The following ZDHHC21 variants were observed in gnomAD, a reference collection of about 807,000 sequenced individuals.
ZDHHC21 encodes the protein palmitoyltransferase ZDHHC21.
In ZDHHC21, 15 loss-of-function variants were observed where a neutral mutation model predicts 34.6. That is an observed-to-expected ratio of 0.43 (90% confidence interval 0.29 to 0.67). The LOEUF is 0.67. Among genes scored for constraint, ZDHHC21 ranks in the 30% least tolerant of loss-of-function variants. The probability of loss-of-function intolerance (pLI) is 0.14; values close to 1 mark genes in which losing one functional copy is unlikely to be tolerated. For missense variants in ZDHHC21, 344 were observed against 327.7 expected (o/e 1.05, Z -0.38); for synonymous variants, 142 against 101.8 (o/e 1.40, Z -2.38).
At chr9:14,660,323 A>G (rs1171543158) in intron 6 of ZDHHC21, among the ~76,000 whole-genome samples, 1 of 140,830 alleles carries the variant, frequency 7.1e-6, no homozygotes, top group East Asian at 2.2e-4. Flanking sequence ...GCAGAGGTTG[A>G]GATCATGCCA....
At chr9:14,646,801 T>A (rs1030227637) in intron 7 of ZDHHC21, among the ~76,000 whole-genome samples, 5 of 152,176 alleles carry the variant, frequency 3.3e-5, no homozygotes, top group African/African-American at 1.2e-4. Context: ...TTCCTTGCTG[T>A]ATTTTATTTT....
At chr9:14,619,483 T>G (rs1218266940) in intron 9 of ZDHHC21, among the ~76,000 whole-genome samples, 156 bp downstream of exon 9, 1 of 152,116 alleles carries the variant, frequency 6.6e-6, no homozygotes, top group Non-Finnish European at 1.5e-5. Context: ...AAACCCCTAC[T>G]GTAAGACTGG....
chr9:14,596,987 G>A, the ZDHHC21 span, among the ~76,000 whole-genome samples: 80 of 152,176 alleles, frequency 5.3e-4, 1 homozygote, highest in African/African-American at 1.6e-3. Context: ...TTCCAGTGCC[G>A]GGAAAAGGTA....
In ZDHHC21 at chr9:14,615,762, A is replaced by C. The variant is rs1334227449; in HGVS notation, c.*3204T>G. On this transcript the variant is annotated 3_prime_UTR_variant, in exon 10 of 10. Transcript: ENST00000380916. ...TATGATTGTTAAGGAGGTGTAACTT[A>C]CAGTATCTAGGTAAAAACCTTTCAT... is the stretch of plus-strand genomic sequence containing the variant. The C allele has an allele frequency of 1.3e-5, 2 of 151,694 alleles. No homozygotes were observed. The highest frequency in any genetic ancestry group is 2.4e-5 in the African/African-American group (1 of 41,392). The allele number at this position is 151,694 out of a possible 1,614,324, so 9.4% of individuals were successfully genotyped here. A position where few individuals can be genotyped will look rare whatever the true frequency, so the allele number is the denominator to read the frequency against.
chr9:14,681,579 G>A (rs975458440), intron 2 of ZDHHC21, among the ~76,000 whole-genome samples: 3 of 152,064 alleles, frequency 2.0e-5, no homozygotes, highest in African/African-American at 7.2e-5. Flanking sequence ...ATTTTAGGAG[G>A]AAAAGACACA....
At chr9:14,634,332 T>C (rs1427656055) in intron 8 of ZDHHC21, among the ~76,000 whole-genome samples, 1 of 152,200 alleles carries the variant, frequency 6.6e-6, no homozygotes, top group East Asian at 1.9e-4. Context: ...CCCGAGAACC[T>C]GTCCACCTGC....
chr9:14,684,014 T>A (rs1837846596), intron 2 of ZDHHC21, among the ~76,000 whole-genome samples: 2 of 152,198 alleles, frequency 1.3e-5, no homozygotes, highest in South Asian at 2.1e-4. Flanking sequence ...CTTCATGCTA[T>A]AAACTCTTAA....
rs927906136 is a variant in ZDHHC21 at position 14,668,104 on chromosome 9, ACT to A, written c.253+4724_253+4725del. 2.6e-4 allele frequency among the ~76,000 whole-genome samples: 19 copies of A among 74,274 alleles called. 1 individual carries two copies. Among genetic ancestry groups the A allele is most frequent in the African/African-American group, 9.8e-4 (19 of 19,330 alleles). 48.7% of individuals were successfully genotyped at this position (74,274 alleles called of 152,430 possible). On this transcript the variant is annotated intron_variant, in intron 5 of 9. Coordinates refer to ENST00000380916, the MANE Select transcript of ZDHHC21 (RefSeq NM_178566.6). ...CATGATTGTTTATCTAGAAAACCCC[ACT>A]GTCTCAGCCCAAAATCTCCTTAAGC...
rs528848001 is a variant in ZDHHC21, at chr9:14,684,003, C to A, written c.-175-3841G>T. On this transcript the variant is annotated intron_variant, in intron 2 of 9. Transcript: ENST00000380916. ...AAGGCCTTTGACAAAATTCAACAGC[C>A]CTTCATGCTATAAACTCTTAATAAA... Among the ~76,000 whole-genome samples, 33 of 152,280 alleles carry A rather than the reference C, an allele frequency of 2.2e-4. 1 individual carries two copies. The highest frequency in any genetic ancestry group is 6.8e-3 in the Middle Eastern group (2 of 294).
downstream of ZDHHC21, among the ~76,000 whole-genome samples, chr9:14,608,295 G>T (rs917999901): frequency 6.6e-6 from 1 of 152,136 alleles, no homozygotes; most frequent in Non-Finnish European, 1.5e-5. Context: ...GTTATGGCCA[G>T]TAGCTACTTT....
intron 8 of ZDHHC21, among the ~76,000 whole-genome samples, chr9:14,620,301 T>A (rs1825074322): frequency 2.0e-5 from 3 of 151,782 alleles, no homozygotes; most frequent in Admixed American, 6.6e-5. Flanking sequence ...AAAAAAAAAA[T>A]TTCAACAAAC....
chr9:14,660,372 CA>C (rs374162221), intron 6 of ZDHHC21, among the ~76,000 whole-genome samples: 7 of 58,810 alleles, frequency 1.2e-4, no homozygotes, highest in African/African-American at 3.1e-4. Context: ...GACTCCATCT[CA>C]AAAAAAAAAA....
At chr9:14,644,796 A>ATG (rs1417880678) in intron 7 of ZDHHC21, among the ~76,000 whole-genome samples, 1 of 149,668 alleles carries the variant, frequency 6.7e-6, no homozygotes, top group African/African-American at 2.5e-5. Context: ...GGGAGTTTAT[A>ATG]TATATACACA....
Position 14,693,250 on chromosome 9 carries a change from C to T in ZDHHC21, c.-246G>A, listed in dbSNP as rs765216590. On this transcript the variant is annotated 5_prime_UTR_variant, in exon 1 of 10. Transcript: ENST00000380916. ...TCACCGTCGCCGCTGGCTCGCCTCT[C>T]GCTGCCGCCGCTCTCCCGACCGCCA... The T allele has an allele frequency of 4.8e-6, 2 of 412,748 alleles. No homozygotes were observed. The highest frequency in any genetic ancestry group is 2.4e-4 in the East Asian group (2 of 8,350). The allele number at this position is 412,748 out of a possible 1,614,324, so 25.6% of individuals were successfully genotyped here.
At chr9:14,605,060 T>A in the ZDHHC21 span, among the ~76,000 whole-genome samples, 17 of 152,170 alleles carry the variant, frequency 1.1e-4, no homozygotes, top group Non-Finnish European at 2.2e-4. Flanking sequence ...TATGGCTGAA[T>A]AACATTCCAT....
At chr9:14,669,984 C>A (rs1379672029) in intron 5 of ZDHHC21, among the ~76,000 whole-genome samples, 1 of 150,394 alleles carries the variant, frequency 6.6e-6, no homozygotes, top group Non-Finnish European at 1.5e-5. Flanking sequence ...TGCACATGTA[C>A]CCTAAAACTT....
At chr9:14,678,952 G>A (rs1393194741) in intron 3 of ZDHHC21, among the ~76,000 whole-genome samples, 3 of 152,130 alleles carry the variant, frequency 2.0e-5, no homozygotes, top group South Asian at 2.1e-4. Context: ...GGAGTGGAGA[G>A]GGAACAGACC....
At chr9:14,647,894 C>G (rs1192115985) in intron 7 of ZDHHC21, among the ~76,000 whole-genome samples, 1 of 152,066 alleles carries the variant, frequency 6.6e-6, no homozygotes, top group African/African-American at 2.4e-5. Flanking sequence ...ATGCTGAAAG[C>G]TCCCAAATTT....
intron 8 of ZDHHC21, among the ~76,000 whole-genome samples, chr9:14,627,870 T>C (rs565851888): frequency 5.7e-4 from 86 of 152,102 alleles, no homozygotes; most frequent in Non-Finnish European, 9.6e-4. Context: ...TGCTCAATAA[T>C]TCAGACAACA....
Sources: gnomAD v4.1 joint callset for allele counts (sites outside exome capture counted in the v4.1 genomes callset) on GRCh38, gnomAD v4.1.1 for gene constraint, MANE v1.5 for transcripts, NCBI Gene and HGNC (gene_info 2026-07-23, HGNC 2026-07-21) for gene names.